The following LGR6 variants were observed in gnomAD, a reference collection of about 807,000 sequenced individuals.
LGR6 encodes leucine-rich repeat-containing G protein-coupled receptor 6.
LGR6 carries 45 observed loss-of-function variants against 69.4 expected under a neutral mutation model. That is an observed-to-expected ratio of 0.65 (90% CI 0.51 to 0.83). The LOEUF is 0.83. Ranked by LOEUF, LGR6 falls within the 40% of genes least tolerant of loss-of-function variation. The pLI is 0.00. For missense variants in LGR6, 1,108 were observed against 1,246.7 expected (o/e 0.89, Z 1.68); for synonymous variants, 538 against 555.0 (o/e 0.97, Z 0.43).
chr1:202,209,697 C>A (rs1002142984), intron 1 of LGR6, among the ~76,000 whole-genome samples: 4 of 152,228 alleles, frequency 2.6e-5, no homozygotes, highest in African/African-American at 9.6e-5. Context: ...TATCCTAAAG[C>A]CTTTCACTCG....
chr1:202,271,367 TG>T (rs1344360638), intron 4 of LGR6, among the ~76,000 whole-genome samples: 1 of 151,350 alleles, frequency 6.6e-6, no homozygotes, highest in African/African-American at 2.4e-5. Context: ...CTTGAAAGGG[TG>T]GGGGAATTCT....
intron 17 of LGR6, among the ~76,000 whole-genome samples, chr1:202,316,141 C>T (rs936043648): frequency 6.6e-6 from 1 of 152,154 alleles, no homozygotes; most frequent in Non-Finnish European, 1.5e-5. Flanking sequence ...TCTTAGTCCG[C>T]TTCGTGTTGC....
At chr1:202,231,371 A>G (rs1661051683) in intron 3 of LGR6, among the ~76,000 whole-genome samples, 1 of 152,194 alleles carries the variant, frequency 6.6e-6, no homozygotes, top group South Asian at 2.1e-4. Flanking sequence ...TCCGAGCCTC[A>G]CCAACCTGGC....
chr1:202,277,322 G>A (rs115455696), intron 5 of LGR6, among the ~76,000 whole-genome samples: 49 of 152,290 alleles, frequency 3.2e-4, no homozygotes, highest in African/African-American at 1.2e-3. Context: ...TTCCATTTGA[G>A]AGATGAAAAG....
intron 16 of LGR6, among the ~76,000 whole-genome samples, 198 bp downstream of exon 16, chr1:202,310,555 G>A (rs1653642268): frequency 6.6e-6 from 1 of 152,098 alleles, no homozygotes; most frequent in African/African-American, 2.4e-5. Context: ...ACACCCAGAG[G>A]TGCTTGGGAC....
At chr1:202,246,581 A>G (rs1662724353) in intron 4 of LGR6, among the ~76,000 whole-genome samples, 1 of 151,498 alleles carries the variant, frequency 6.6e-6, no homozygotes, top group African/African-American at 2.4e-5. Flanking sequence ...TCTTGGTCTG[A>G]TGTAGGAATA....
chr1:202,278,901 C>T (rs1487749166), intron 5 of LGR6, among the ~76,000 whole-genome samples: 2 of 152,130 alleles, frequency 1.3e-5, no homozygotes, highest in African/African-American at 2.4e-5. Flanking sequence ...TTAGGTAGCA[C>T]GTAGCTGGAC....
chr1:202,205,462 A>AC (rs1659161550), intron 1 of LGR6, among the ~76,000 whole-genome samples: 1 of 24,648 alleles, frequency 4.1e-5, no homozygotes, highest in Non-Finnish European at 9.2e-5. Context: ...ACACACCTCC[A>AC]AACACACACA....
chr1:202,280,845 G>C lies in LGR6; in HGVS notation c.709G>C (p.Glu237Gln). ...CAGCTTCGAGGGGCTGCACAATCTG[G>C]AGACACTGTGAGTTTTGAGGTCTTG... ...THSFEGLHNL[E>Q]TLDLNYNKLQ... is the part of the protein sequence containing the mutation. Residue 237 changes from glutamate (E) to glutamine (Q), a missense_variant, in exon 6 of 18, where the codon GAG becomes CAG. Transcript: ENST00000367278. 1 of 1,613,680 alleles carries C rather than the reference G, an allele frequency of 6.2e-7. No individual in the cohort carries two copies. Among genetic ancestry groups the C allele is most frequent in the Non-Finnish European group, 8.5e-7 (1 of 1,179,736 alleles).
chr1:202,308,042 A>G (rs1302800600), intron 14 of LGR6, among the ~76,000 whole-genome samples: 2 of 152,146 alleles, frequency 1.3e-5, no homozygotes, highest in East Asian at 1.9e-4. Context: ...AAGCACATCT[A>G]CCTAGACTGG....
chr1:202,302,297 G>T lies in LGR6; in HGVS notation c.930-982G>T, dbSNP rs116147629. Among the ~76,000 whole-genome samples the T allele has an allele frequency of 6.9e-3, 1,047 of 152,294 alleles. 5 individuals are homozygous for T. The highest frequency in any genetic ancestry group is 0.011 in the Non-Finnish European group (770 of 68,022). On this transcript the variant is annotated intron_variant, in intron 9 of 17. Coordinates refer to ENST00000367278, the MANE Select transcript of LGR6 (RefSeq NM_001017403.2). The stretch of plus-strand genomic sequence containing the variant: ...GTAACCCTGTGAGGTAGGTGTTATT[G>T]GTCCGATTTACAGGTGGAACATGAG...
chr1:202,259,696 CT>C (rs1434142684), intron 4 of LGR6, among the ~76,000 whole-genome samples: 8 of 152,256 alleles, frequency 5.3e-5, no homozygotes, highest in African/African-American at 1.9e-4. Context: ...TCCCATCTCT[CT>C]TTCCCCCTTT....
chr1:202,308,686 G>A (rs1477984359), intron 14 of LGR6, among the ~76,000 whole-genome samples: 2 of 152,184 alleles, frequency 1.3e-5, no homozygotes, highest in Admixed American at 6.5e-5. Context: ...TTCCCCAAGC[G>A]GGTGGGCAGG....
At chr1:202,314,968 A>G in intron 17 of LGR6, 86 bp downstream of exon 17, 1 of 947,202 alleles carries the variant, frequency 1.1e-6, no homozygotes, top group Non-Finnish European at 1.7e-6. Flanking sequence ...TCAGCCTGGC[A>G]TGTCTGCAGC....
At chr1:202,280,998 C>G (rs1459631980) in intron 6 of LGR6, 146 bp downstream of exon 6, 10 of 634,424 alleles carry the variant, frequency 1.6e-5, no homozygotes, top group East Asian at 1.5e-4. Context: ...CATGCCCCTC[C>G]CTGGCACTTT....
intron 1 of LGR6, among the ~76,000 whole-genome samples, chr1:202,209,114 C>G (rs924562430): frequency 6.6e-5 from 10 of 152,156 alleles, no homozygotes; most frequent in African/African-American, 2.4e-4. Flanking sequence ...AGAGTCCCTC[C>G]TCCTTCCTAT....
intron 2 of LGR6, among the ~76,000 whole-genome samples, chr1:202,226,267 C>T (rs1365422209): frequency 2.6e-5 from 4 of 152,198 alleles, no homozygotes; most frequent in Admixed American, 1.3e-4. Context: ...TCCAACACCT[C>T]CCAGCCCTGT....
intron 9 of LGR6, 54 bp downstream of exon 9, chr1:202,301,289 C>A: frequency 2.1e-6 from 3 of 1,438,160 alleles, no homozygotes; most frequent in Non-Finnish European, 2.9e-6. Context: ...TTCCTCACTC[C>A]TTCTTGCTCT....
chr1:202,268,079 T>A lies in LGR6; in HGVS notation c.429-8227T>A, dbSNP rs3010081. ...CAGTCCGCGGGAAGGCAGAAGCTCATGAGCATCCGTGCCTGAGTTGGTGGA... is the reference window on the plus strand; with the variant it reads ...CAGTCCGCGGGAAGGCAGAAGCTCAAGAGCATCCGTGCCTGAGTTGGTGGA... On this transcript the variant is annotated intron_variant, in intron 4 of 17. Coordinates refer to ENST00000367278, the MANE Select transcript of LGR6 (RefSeq NM_001017403.2). The surrounding 1 kb of genome is among the most constrained non-coding windows in gnomAD (Gnocchi z 4.4). 0.47 allele frequency among the ~76,000 whole-genome samples: 71,155 copies of A among 152,004 alleles called. 17,660 individuals are homozygous for A. The highest frequency in any genetic ancestry group is 0.7 in the East Asian group (3,610 of 5,160).
Sources: gnomAD v4.1 joint callset for allele counts (sites outside exome capture counted in the v4.1 genomes callset) on GRCh38, gnomAD v4.1.1 for gene constraint, Gnocchi (gnomAD v3.1) non-coding constraint, MANE v1.5 for transcripts, NCBI Gene and HGNC (gene_info 2026-07-23, HGNC 2026-07-21) for gene names.